The following ADAMTSL5 variants were observed in gnomAD, a reference collection of about 807,000 sequenced individuals.
ADAMTSL5 encodes the protein ADAMTS like 5, also known as ADAMTS-like protein 5.
In ADAMTSL5, 53 loss-of-function variants were observed where a neutral mutation model predicts 51.7. The ratio of observed to expected loss-of-function variants is 1.03; its 90% CI spans 0.82 to 1.29. The LOEUF (loss-of-function observed/expected upper bound fraction) is 1.29, where lower values mean the gene tolerates loss of function less well. ADAMTSL5 is among the 50% of genes most tolerant of loss of function. The pLI is 0.00. For missense variants in ADAMTSL5, 770 were observed against 676.2 expected (o/e 1.14, Z -1.54); for synonymous variants, 285 against 278.7 (o/e 1.02, Z -0.23).
intron 1 of ADAMTSL5, among the ~76,000 whole-genome samples, chr19:1,511,398 T>C (rs1568245574): frequency 6.6e-6 from 1 of 152,180 alleles, no homozygotes; most frequent in Non-Finnish European, 1.5e-5. Flanking sequence ...GTCTCAACCT[T>C]CTGACCTGAA....
At chr19:1,507,141 C>A in intron 9 of ADAMTSL5, 101 bp downstream of exon 9, 2 of 1,457,484 alleles carry the variant, frequency 1.4e-6, no homozygotes, top group South Asian at 1.4e-5. Flanking sequence ...CCCAGACTCC[C>A]CCTTCTGGCC....
chr19:1,506,826 G>A lies in ADAMTSL5; in HGVS notation c.955C>T (p.Leu319=). ...QARVQALGWP[L]RQPQPRGVEP... Reference sequence around the variant, plus strand: ...ACCCCCCGGGGCTGAGGCTGCCTCAGGGGCCAGCCCAGGGCCTGCACACGA... The same window carrying A: ...ACCCCCCGGGGCTGAGGCTGCCTCAAGGGCCAGCCCAGGGCCTGCACACGA... The change falls in exon 10 of 12, where the codon CTG becomes TTG. Residue 319 remains leucine (L), a synonymous_variant. Transcript: ENST00000330475. The surrounding 1 kb of genome is among the most constrained non-coding windows in gnomAD (Gnocchi z 5.6). 6.5e-7 allele frequency: 1 copy of A among 1,538,776 alleles called. No individual in the cohort carries two copies. Among genetic ancestry groups the A allele is most frequent in the South Asian group, 1.2e-5 (1 of 82,650 alleles).
chr19:1,510,940 C>A lies in ADAMTSL5; in HGVS notation c.4G>T (p.Asp2Tyr). The A allele has an allele frequency of 1.4e-6, 2 of 1,430,592 alleles. No homozygotes were observed. Among genetic ancestry groups the A allele is most frequent in the Non-Finnish European group, 1.8e-6 (2 of 1,096,742 alleles). The allele number at this position is 1,430,592 out of a possible 1,614,324, so 88.6% of individuals were successfully genotyped here. A position where few individuals can be genotyped will look rare whatever the true frequency, so the allele number is the denominator to read the frequency against. ...GGCCTGGGGAACAGAGGGGCCGAGT[C>A]CATAGAGCCACCGCCAGAGACACAG... MDSAPLFPRPHL... is the reference protein window; with the variant it reads MYSAPLFPRPHL... Residue 2 changes from aspartate to tyrosine, a missense_variant, in exon 2 of 12, where the codon GAC (aspartate) becomes TAC (tyrosine). Asp to Tyr is a radical substitution (Grantham distance 160). Transcript: ENST00000330475.
chr19:1,506,164 G>C lies in ADAMTSL5; in HGVS notation c.1267C>G (p.His423Asp), dbSNP rs780746363. 6.2e-7 allele frequency: 1 copy of C among 1,609,134 alleles called. No homozygotes were observed. Among genetic ancestry groups the C allele is most frequent in the African/African-American group, 1.3e-5 (1 of 75,004 alleles). Residue 423 changes from histidine to aspartate, a missense_variant, in exon 12 of 12, where the codon CAC becomes GAC. His to Asp is a moderately conservative substitution (Grantham distance 81). Transcript: ENST00000330475. This position sits in a 1 kb window ranked among gnomAD's most constrained non-coding sequence, Gnocchi z 5.6. ...GHCPCPMLAP[H>D]RDYLMAVQRL... ...TGGACAGCCATCAGGTAGTCCCGGT[G>C]GGGTGCCAGCATCGGGCAGGGGCAG... is the stretch of plus-strand genomic sequence containing the variant.
chr19:1,508,654 C>T (rs1913096585), intron 5 of ADAMTSL5, 84 bp from the exon 6 acceptor site: 8 of 1,427,348 alleles, frequency 5.6e-6, no homozygotes, highest in Non-Finnish European at 6.4e-6. Context: ...GCAACCATCA[C>T]TTTGGGCAGA....
rs539101948 is a variant in ADAMTSL5, at chr19:1,506,089, C to T, written c.1342G>A (p.Ala448Thr). The T allele has an allele frequency of 8.7e-6, 14 of 1,602,326 alleles. No homozygotes were observed. The highest frequency in any genetic ancestry group is 1.7e-4 in the Middle Eastern group (1 of 5,914). ...GTQDQLLLPHAGYARPWSPAE... is the reference protein window; with the variant it reads ...GTQDQLLLPHTGYARPWSPAE... ...GGGCTCCAGGGCCGGGCGTAGCCGG[C>T]GTGGGGCAGCAGCAGCTGGTCCTGT... The change falls in exon 12 of 12, where the codon GCC becomes ACC. Residue 448 changes from alanine to threonine, a missense_variant. Transcript: ENST00000330475. The surrounding 1 kb of genome is among the most constrained non-coding windows in gnomAD (Gnocchi z 5.6).
intron 7 of ADAMTSL5, 130 bp from the exon 8 acceptor site, chr19:1,507,773 A>T (rs2145498764): frequency 9.5e-7 from 1 of 1,052,360 alleles, no homozygotes; most frequent in East Asian, 2.6e-5. Context: ...CCCTCCGTAA[A>T]CGTTTGGAGT....
rs764897014 is a variant in ADAMTSL5, at chr19:1,507,605, C to T, written c.640G>A (p.Glu214Lys). Residue 214 changes from glutamate to lysine, a missense_variant, in exon 8 of 12, where the codon GAG (glutamate) becomes AAG (lysine). Transcript: ENST00000330475. ...AGYWNVTLIP[E>K]GARHIRVEHR... ...TCCACGCGGATGTGTCTGGCGCCCTCGGGGATCAGGGTCACGTTCCAGTAC... is the reference window on the plus strand; with the variant it reads ...TCCACGCGGATGTGTCTGGCGCCCTTGGGGATCAGGGTCACGTTCCAGTAC... 7.4e-6 allele frequency: 12 copies of T among 1,613,336 alleles called. No homozygotes were observed. The highest frequency in any genetic ancestry group is 4.4e-5 in the South Asian group (4 of 91,090).
Position 1,511,009 on chromosome 19 carries a change from A to C in ADAMTSL5, c.-66T>G. Reference sequence around the variant, plus strand: ...CCCTGACTGGCTGTGTGATCTTGGAAAGTAACTAAACCTCTCTGAGCCCTA... The same window carrying C: ...CCCTGACTGGCTGTGTGATCTTGGACAGTAACTAAACCTCTCTGAGCCCTA... On this transcript the variant is annotated 5_prime_UTR_variant, in exon 2 of 12. Transcript: ENST00000330475. 2 of 1,209,752 alleles carry C rather than the reference A, an allele frequency of 1.7e-6. No individual in the cohort carries two copies. The highest frequency in any genetic ancestry group is 2.2e-6 in the Non-Finnish European group (2 of 927,372). 74.9% of individuals were successfully genotyped at this position (1,209,752 alleles called of 1,614,324 possible). A position where few individuals can be genotyped will look rare whatever the true frequency, so the allele number is the denominator to read the frequency against.
At chr19:1,512,233 A>G (rs1913297783) in intron 1 of ADAMTSL5, among the ~76,000 whole-genome samples, 1 of 152,208 alleles carries the variant, frequency 6.6e-6, no homozygotes. Flanking sequence ...CCCTGGCTCC[A>G]GCATTTGGAC....
In ADAMTSL5 at chr19:1,510,277, G is replaced by A. The variant is rs199888356; in HGVS notation, c.253-19C>T. 7 of 1,613,050 alleles carry A rather than the reference G, an allele frequency of 4.3e-6. No homozygotes were observed. In the African/African-American group the frequency reaches 6.7e-5, roughly 15 times the overall value. On this transcript the variant is annotated intron_variant, in intron 4 of 11. Transcript: ENST00000330475. The stretch of plus-strand genomic sequence containing the variant: ...GGCAGTCCTAGGGACAGAGATAGGT[G>A]AGCCAGAGGCTGGGACAACCCCAAG...
chr19:1,506,296 C>T lies in ADAMTSL5; in HGVS notation c.1135G>A (p.Gly379Ser). Residue 379 changes from glycine (G) to serine (S), a missense_variant, in exon 12 of 12, where the codon GGC becomes AGC. Gly to Ser is a moderately conservative substitution (Grantham distance 56). Coordinates refer to ENST00000330475, the MANE Select transcript of ADAMTSL5 (RefSeq NM_213604.3). The surrounding 1 kb of genome is among the most constrained non-coding windows in gnomAD (Gnocchi z 5.6). ...GTCTCCTGGGCCTGGTGGTGGTGGC[C>T]CAGCACTCGGGCCTGGAACACTGTT... Reference protein sequence around the residue: ...SDFVFQARVLGHHHQAQETRY... With the variant: ...SDFVFQARVLSHHHQAQETRY... The T allele has an allele frequency of 4.5e-6, 7 of 1,548,288 alleles. No homozygotes were observed. The highest frequency in any genetic ancestry group is 6.1e-6 in the Non-Finnish European group (7 of 1,144,810).
At chr19:1,507,811 G>A (rs1913027915) in intron 7 of ADAMTSL5, among the ~76,000 whole-genome samples, 168 bp from the exon 8 acceptor site, 1 of 152,052 alleles carries the variant, frequency 6.6e-6, no homozygotes, top group Non-Finnish European at 1.5e-5. Context: ...CAGTGTGGCA[G>A]GGAAAGGGTT....
chr19:1,510,755 T>C (rs757596529), intron 2 of ADAMTSL5, 25 bp from the exon 3 acceptor site: 4 of 1,528,890 alleles, frequency 2.6e-6, no homozygotes, highest in African/African-American at 1.4e-5. Context: ...AGAGGCACGG[T>C]CAGCCTTGTA....
Position 1,505,952 on chromosome 19 carries a change from T to C in ADAMTSL5, c.*63A>G, listed in dbSNP as rs1013072267. Reference sequence around the variant, plus strand: ...AAGCCAGGGTGAGAGGGGAAATACGTTGACGTTGAGGCTGGTCAGATGTAT... The same window carrying C: ...AAGCCAGGGTGAGAGGGGAAATACGCTGACGTTGAGGCTGGTCAGATGTAT... On this transcript the variant is annotated 3_prime_UTR_variant, in exon 12 of 12. Coordinates refer to ENST00000330475, the MANE Select transcript of ADAMTSL5 (RefSeq NM_213604.3). The C allele has an allele frequency of 5.2e-5, 75 of 1,443,240 alleles. No individual in the cohort carries two copies. Among genetic ancestry groups the C allele is most frequent in the Non-Finnish European group, 6.1e-5 (67 of 1,101,980 alleles). 89.4% of individuals were successfully genotyped at this position (1,443,240 alleles called of 1,614,324 possible). A position where few individuals can be genotyped will look rare whatever the true frequency, so the allele number is the denominator to read the frequency against.
chr19:1,511,046 T>TG lies in ADAMTSL5; in HGVS notation c.-104dup. On this transcript the variant is annotated 5_prime_UTR_variant, in exon 2 of 12. Coordinates refer to ENST00000330475, the MANE Select transcript of ADAMTSL5 (RefSeq NM_213604.3). ...CTCTCTGAGCCCTACCTCTCGTCTCTGAAAAACGGGGTAATAGAGCCTCCC... is the reference window on the plus strand; with the variant it reads ...CTCTCTGAGCCCTACCTCTCGTCTCTGGAAAAACGGGGTAATAGAGCCTCCC... 2 of 921,152 alleles carry TG rather than the reference T, an allele frequency of 2.2e-6. No homozygotes were observed. The highest frequency in any genetic ancestry group is 1.5e-6 in the Non-Finnish European group (1 of 684,100). The allele number at this position is 921,152 out of a possible 1,614,324, so 57.1% of individuals were successfully genotyped here.
At chr19:1,507,735 G>C (rs1273314095) in intron 7 of ADAMTSL5, 92 bp from the exon 8 acceptor site, 1 of 1,301,308 alleles carries the variant, frequency 7.7e-7, no homozygotes, top group Non-Finnish European at 1.1e-6. Flanking sequence ...GGGTAAGACA[G>C]CTAGCCAGGG....
rs1341504719 is a variant in ADAMTSL5 at position 1,507,424 on chromosome 19, C to T, written c.689-19G>A. 7 of 1,586,618 alleles carry T rather than the reference C, an allele frequency of 4.4e-6. No individual in the cohort carries two copies. Among genetic ancestry groups the T allele is most frequent in the South Asian group, 1.2e-5 (1 of 86,224 alleles). ...ATCAGTGCTGCAAGGGAACAGTCAG[C>T]CCTCAGGAACCTGTCGTCTCGTCTC... is the stretch of plus-strand genomic sequence containing the variant. On this transcript the variant is annotated intron_variant, in intron 8 of 11. Coordinates refer to ENST00000330475, the MANE Select transcript of ADAMTSL5 (RefSeq NM_213604.3).
In ADAMTSL5 at chr19:1,505,094, ACGATAGTGCATGC is replaced by A. The variant is rs756748349; in HGVS notation, c.*908_*920del. On this transcript the variant is annotated 3_prime_UTR_variant, in exon 12 of 12. Coordinates refer to ENST00000330475, the MANE Select transcript of ADAMTSL5 (RefSeq NM_213604.3). The stretch of plus-strand genomic sequence containing the variant: ...AATAAAAGGGGGGTGAACAGCCAGT[ACGATAGTGCATGC>A]CTGAAATTCCAGTGCTTTGGGAGGC... 2.0e-5 allele frequency: 3 copies of A among 152,160 alleles called. No individual in the cohort carries two copies. The highest frequency in any genetic ancestry group is 4.4e-5 in the Non-Finnish European group (3 of 68,048). 9.4% of individuals were successfully genotyped at this position (152,160 alleles called of 1,614,324 possible).
Sources: allele counts gnomAD v4.1 joint callset (sites outside exome capture counted in the v4.1 genomes callset), GRCh38; gene constraint gnomAD v4.1.1; non-coding constraint Gnocchi (gnomAD v3.1); transcripts MANE v1.5; gene names NCBI Gene and HGNC (gene_info 2026-07-23, HGNC 2026-07-21).